Variants in MYO3B observed in about 807,000 individuals in gnomAD.
MYO3B encodes the protein myosin-IIIb.
A neutral mutation model predicts 174.6 loss-of-function variants in MYO3B; 156 were observed. The observed-to-expected ratio is 0.89, with a 90% CI of 0.78 to 1.02. The LOEUF is 1.02. MYO3B is among the 50% of genes least tolerant of loss of function. The pLI is 0.00. For synonymous variants in MYO3B, 563 were observed against 569.1 expected (o/e 0.99, Z 0.15); for missense variants, 1,632 against 1,639.4 (o/e 1.00, Z 0.08).
chr2:170,366,260 T>G (rs1449236066), intron 8 of MYO3B, among the ~76,000 whole-genome samples: 1 of 152,146 alleles, frequency 6.6e-6, no homozygotes, highest in Non-Finnish European at 1.5e-5. Context: ...CAGTCTTTCT[T>G]TCTTACTTGG....
Position 170,407,750 on chromosome 2 carries a change from TAG to T in MYO3B, c.2560_2561del (p.Asp854HisfsTer31). On this transcript the variant is annotated frameshift_variant, in exon 22 of 35. Transcript: ENST00000408978. LOFTEE classifies it high-confidence loss of function. ...YDASGVLEKN[R>X]DTLPADVVVV... ...ATGCTTCTGGGGTTCTTGAGAAAAA[TAG>T]AGACACTCTCCCTGCCGATGTGGTT... 1 of 1,614,036 alleles carries T rather than the reference TAG, an allele frequency of 6.2e-7. No homozygotes were observed. The highest frequency in any genetic ancestry group is 1.1e-5 in the South Asian group (1 of 91,056).
At chr2:170,623,554 C>T (rs1696125232) in intron 32 of MYO3B, among the ~76,000 whole-genome samples, 1 of 152,130 alleles carries the variant, frequency 6.6e-6, no homozygotes, top group South Asian at 2.1e-4. Flanking sequence ...GTTTCTTTTG[C>T]TGTGCAGAAG....
At chr2:170,284,117 G>A (rs2105400327) in intron 7 of MYO3B, among the ~76,000 whole-genome samples, 1 of 152,268 alleles carries the variant, frequency 6.6e-6, no homozygotes, top group East Asian at 1.9e-4. Flanking sequence ...GAGAATGTTT[G>A]TGTCAGATGT....
intron 32 of MYO3B, among the ~76,000 whole-genome samples, chr2:170,635,560 A>C (rs988535984): frequency 6.6e-6 from 1 of 152,152 alleles, no homozygotes; most frequent in Non-Finnish European, 1.5e-5. Context: ...ACATGTATAC[A>C]TATGTAACAA....
rs1265121118 is a variant in MYO3B, at chr2:170,254,430, C to T, written c.749+18294C>T. Among the ~76,000 whole-genome samples the T allele has an allele frequency of 3.3e-5, 5 of 152,182 alleles. No homozygotes were observed. In the East Asian group the frequency reaches 9.6e-4, roughly 29 times the overall value. Reference sequence around the variant, plus strand: ...GAGCAGAGCTGCCTTTCCTGCGGGACTCGGGGGGGCGCATCTGATCTGCAT... The same window carrying T: ...GAGCAGAGCTGCCTTTCCTGCGGGATTCGGGGGGGCGCATCTGATCTGCAT... On this transcript the variant is annotated intron_variant, in intron 7 of 34. Coordinates refer to ENST00000408978, the MANE Select transcript of MYO3B (RefSeq NM_138995.5).
intron 32 of MYO3B, among the ~76,000 whole-genome samples, chr2:170,596,471 C>T (rs901981370): frequency 7.9e-5 from 12 of 152,190 alleles, no homozygotes; most frequent in African/African-American, 2.9e-4. Flanking sequence ...CAGAGTACAA[C>T]GTAAACCGTG....
At chr2:170,573,227 G>GTGTGTATATATATATATATATA (rs1446970724) in intron 32 of MYO3B, among the ~76,000 whole-genome samples, 6 of 46,440 alleles carry the variant, frequency 1.3e-4, no homozygotes, top group African/African-American at 2.0e-4. Context: ...TATACTGTGT[G>GTGTGTATATATATATATATATA]TATATATATA....
chr2:170,567,746 G>A (rs1282086578), intron 32 of MYO3B, among the ~76,000 whole-genome samples: 10 of 152,140 alleles, frequency 6.6e-5, no homozygotes, highest in Admixed American at 6.6e-4. Flanking sequence ...GAGAAAAGCC[G>A]ACATGACTCC....
chr2:170,244,361 A>G (rs1456191483), intron 7 of MYO3B, among the ~76,000 whole-genome samples: 2 of 152,106 alleles, frequency 1.3e-5, no homozygotes, highest in African/African-American at 4.8e-5. Context: ...TCCCAGCCCC[A>G]CCTGGAAAGG....
chr2:170,313,112 T>G (rs911341089), intron 7 of MYO3B, among the ~76,000 whole-genome samples: 5 of 152,222 alleles, frequency 3.3e-5, no homozygotes, highest in Non-Finnish European at 5.9e-5. Context: ...AATTTGTGAT[T>G]TTTTTGACTG....
chr2:170,245,948 A>C (rs1332417593), intron 7 of MYO3B, among the ~76,000 whole-genome samples: 1 of 152,154 alleles, frequency 6.6e-6, no homozygotes, highest in Non-Finnish European at 1.5e-5. Flanking sequence ...TAAATAAATA[A>C]TAAAAATATA....
chr2:170,520,375 C>T (rs933887693), intron 30 of MYO3B, among the ~76,000 whole-genome samples: 9 of 151,798 alleles, frequency 5.9e-5, no homozygotes, highest in African/African-American at 2.4e-5. Flanking sequence ...ATCACTTTAG[C>T]CCAGGAATTT....
At chr2:170,200,114 G>T (rs115501138) in intron 2 of MYO3B, 36 bp from the exon 3 acceptor site, 1 of 1,598,396 alleles carries the variant, frequency 6.3e-7, no homozygotes, top group African/African-American at 1.3e-5. Context: ...TTACACATTA[G>T]ATTTAATCCA....
chr2:170,238,830 C>T (rs1045362316), intron 7 of MYO3B, among the ~76,000 whole-genome samples: 1 of 152,170 alleles, frequency 6.6e-6, no homozygotes. Context: ...GGTTGATTTG[C>T]CTGTACATGG....
At chr2:170,613,563 G>C (rs1454381999) in intron 32 of MYO3B, among the ~76,000 whole-genome samples, 1 of 152,194 alleles carries the variant, frequency 6.6e-6, no homozygotes, top group Non-Finnish European at 1.5e-5. Flanking sequence ...TCCGAGTCCT[G>C]TGATGGTTAA....
At chr2:170,485,957 G>T (rs1472352276) in intron 25 of MYO3B, among the ~76,000 whole-genome samples, 1 of 152,150 alleles carries the variant, frequency 6.6e-6, no homozygotes, top group Non-Finnish European at 1.5e-5. Flanking sequence ...CTAAAATGCA[G>T]ATTGGTGGGC....
At chr2:170,476,081 C>CG (rs1553503754) in intron 25 of MYO3B, among the ~76,000 whole-genome samples, 8 of 152,134 alleles carry the variant, frequency 5.3e-5, no homozygotes, top group Non-Finnish European at 8.8e-5. Flanking sequence ...TGTCCCCCCC[C>CG]ACAGGACATG....
intron 8 of MYO3B, among the ~76,000 whole-genome samples, chr2:170,355,140 A>G (rs1335079222): frequency 1.3e-5 from 2 of 152,148 alleles, no homozygotes; most frequent in Non-Finnish European, 2.9e-5. Flanking sequence ...TGGGCAGGAG[A>G]GATGACAGGT....
chr2:170,247,373 A>G (rs1183246350), intron 7 of MYO3B, among the ~76,000 whole-genome samples: 1 of 152,160 alleles, frequency 6.6e-6, no homozygotes, highest in African/African-American at 2.4e-5. Context: ...GAGCAGCACC[A>G]TCTGCTTCTT....
Sources: allele counts gnomAD v4.1 joint callset (sites outside exome capture counted in the v4.1 genomes callset), GRCh38; gene constraint gnomAD v4.1.1; transcripts MANE v1.5; gene names NCBI Gene and HGNC (gene_info 2026-07-23, HGNC 2026-07-21).